Variants in LRRC7 observed in about 807,000 individuals in gnomAD.
LRRC7 encodes the protein leucine rich repeat containing 7.
LRRC7 carries 23 observed loss-of-function variants against 175.7 expected under a neutral mutation model. The observed-to-expected ratio is 0.13, with a 90% CI of 0.09 to 0.19. The LOEUF is 0.19. Among genes scored for constraint, LRRC7 ranks in the 10% least tolerant of loss-of-function variants. The pLI, the probability that LRRC7 is intolerant of heterozygous loss-of-function variation, is 1.00. For synonymous variants in LRRC7, 685 were observed against 680.9 expected (o/e 1.01, Z -0.09); for missense variants, 1,354 against 1,904.7 (o/e 0.71, Z 5.38).
intron 2 of LRRC7, among the ~76,000 whole-genome samples, chr1:69,720,499 T>C (rs1043079021): frequency 1.3e-5 from 2 of 151,760 alleles, no homozygotes; most frequent in African/African-American, 4.8e-5. Flanking sequence ...TATATTTACC[T>C]GCACATTTAC....
chr1:69,897,252 A>C, intron 7 of LRRC7, among the ~76,000 whole-genome samples: 1 of 152,126 alleles, frequency 6.6e-6, no homozygotes, highest in East Asian at 1.9e-4. Flanking sequence ...GCTTTTATTC[A>C]GTTTAGTCTT....
chr1:69,914,016 G>A (rs1160501013), intron 7 of LRRC7, among the ~76,000 whole-genome samples: 2 of 152,280 alleles, frequency 1.3e-5, no homozygotes, highest in African/African-American at 4.8e-5. Flanking sequence ...ACAGGACACA[G>A]ACTAAGCAAA....
intron 8 of LRRC7, among the ~76,000 whole-genome samples, chr1:69,946,347 A>T (rs1016068929): frequency 3.3e-5 from 5 of 152,134 alleles, no homozygotes; most frequent in Non-Finnish European, 5.9e-5. Flanking sequence ...TTCTGTGTGC[A>T]CTTGAGAAAA....
chr1:69,909,676 C>T lies in LRRC7; in HGVS notation c.648-21831C>T, dbSNP rs184280412. On this transcript the variant is annotated intron_variant, in intron 7 of 26. Coordinates refer to ENST00000651989, the MANE Select transcript of LRRC7 (RefSeq NM_001370785.2). ...GATGGGCTTCCCTTTGAGGGTAACC[C>T]GACCTTTCTCTCTGGCTGCCTTTAA... 1.2e-3 allele frequency among the ~76,000 whole-genome samples: 183 copies of T among 152,056 alleles called. 2 individuals carry two copies. The highest frequency in any genetic ancestry group is 3.4e-3 in the Middle Eastern group (1 of 294).
chr1:69,932,262 G>T (rs1301189515), intron 8 of LRRC7, among the ~76,000 whole-genome samples: 1 of 152,100 alleles, frequency 6.6e-6, no homozygotes, highest in Non-Finnish European at 1.5e-5. Context: ...TTCATCTAAA[G>T]TGTATTTTAA....
chr1:70,015,651 G>A (rs941478876), intron 13 of LRRC7, among the ~76,000 whole-genome samples: 1 of 152,182 alleles, frequency 6.6e-6, no homozygotes, highest in East Asian at 1.9e-4. Context: ...ATCAGATAGT[G>A]TGAAGTACTT....
At chr1:70,099,839 A>T (rs1477435453) in intron 25 of LRRC7, among the ~76,000 whole-genome samples, 1 of 152,170 alleles carries the variant, frequency 6.6e-6, no homozygotes, top group African/African-American at 2.4e-5. Flanking sequence ...AAAGCTTAGC[A>T]ATTCAAATAT....
intron 25 of LRRC7, among the ~76,000 whole-genome samples, chr1:70,102,352 C>G (rs775889875): frequency 1.2e-4 from 19 of 152,068 alleles, no homozygotes; most frequent in Non-Finnish European, 2.6e-4. Flanking sequence ...TGCCAATGTC[C>G]CCTTATTTGT....
In LRRC7 at chr1:69,578,941, T is replaced by TAATAA. The variant is rs201009387; in HGVS notation, c.2+10318_2+10322dup. Among the ~76,000 whole-genome samples the TAATAA allele has an allele frequency of 3.6e-3, 547 of 151,374 alleles. 4 individuals carry two copies. Among genetic ancestry groups the TAATAA allele is most frequent in the Admixed American group, 4.9e-3 (75 of 15,186 alleles). On this transcript the variant is annotated intron_variant, in intron 1 of 26. Transcript: ENST00000651989. ...TACCCTAAAACTTAAAGTATAATAA[T>TAATAA]AATAAAATAAAATAAAATAAAAAGA...
chr1:70,011,728 A>G, intron 11 of LRRC7, 69 bp from the exon 12 acceptor site: 1 of 1,072,778 alleles, frequency 9.3e-7, no homozygotes, highest in East Asian at 2.5e-5. Flanking sequence ...AATTTTGGAT[A>G]TGTGGCTTTT....
At chr1:70,083,616 A>T (rs867133608) in intron 24 of LRRC7, among the ~76,000 whole-genome samples, 39 of 152,106 alleles carry the variant, frequency 2.6e-4, no homozygotes, top group African/African-American at 8.9e-4. Context: ...CCAGAAGTTT[A>T]TATGCAATTA....
intron 1 of LRRC7, among the ~76,000 whole-genome samples, chr1:69,593,607 C>T (rs1302052322): frequency 6.6e-6 from 1 of 152,044 alleles, no homozygotes; most frequent in African/African-American, 2.4e-5. Context: ...GTTTTTGTAA[C>T]ACCAAATTGC....
chr1:69,965,308 A>G (rs763277382), intron 8 of LRRC7, among the ~76,000 whole-genome samples: 5 of 152,198 alleles, frequency 3.3e-5, no homozygotes, highest in Non-Finnish European at 7.3e-5. Context: ...CATCTTGGAT[A>G]CTAATTTTGT....
chr1:70,044,787 A>T (rs1660200321), intron 22 of LRRC7, among the ~76,000 whole-genome samples: 1 of 152,200 alleles, frequency 6.6e-6, no homozygotes, highest in African/African-American at 2.4e-5. Flanking sequence ...AAAACTGAGA[A>T]TGCACATTTT....
intron 7 of LRRC7, among the ~76,000 whole-genome samples, chr1:69,888,763 C>T (rs1645739873): frequency 6.6e-6 from 1 of 151,720 alleles, no homozygotes; most frequent in Non-Finnish European, 1.5e-5. Flanking sequence ...CAGTGGTTAC[C>T]AGCTGTTTGG....
intron 8 of LRRC7, among the ~76,000 whole-genome samples, chr1:69,947,125 A>AAATG (rs1649414410): frequency 6.6e-6 from 1 of 151,500 alleles, no homozygotes; most frequent in Non-Finnish European, 1.5e-5. Context: ...ATAAATAAAT[A>AAATG]AATAAATAAA....
chr1:69,760,059 G>T, intron 2 of LRRC7, 132 bp from the exon 3 acceptor site: 2 of 819,098 alleles, frequency 2.4e-6, no homozygotes, highest in Non-Finnish European at 3.8e-6. Flanking sequence ...TACAATGCGT[G>T]TGTGTGTCCT....
intron 23 of LRRC7, among the ~76,000 whole-genome samples, chr1:70,070,957 C>T (rs1011071198): frequency 1.3e-5 from 2 of 152,164 alleles, no homozygotes; most frequent in African/African-American, 4.8e-5. Context: ...TGCTGTGCAC[C>T]TACTTGCCTT....
At chr1:69,718,128 A>AGAAAAGAGAGAG (rs1553146102) in intron 2 of LRRC7, among the ~76,000 whole-genome samples, 9,461 of 65,368 alleles carry the variant, frequency 0.14, 559 homozygotes, top group South Asian at 0.18. Context: ...AAAGAAAGAA[A>AGAAAAGAGAGAG]AGAAAGAAAG....
Sources: gnomAD v4.1 joint callset for allele counts (sites outside exome capture counted in the v4.1 genomes callset) on GRCh38, gnomAD v4.1.1 for gene constraint, MANE v1.5 for transcripts, NCBI Gene and HGNC (gene_info 2026-07-23, HGNC 2026-07-21) for gene names.